Variants in POU2F3 observed in about 807,000 individuals in gnomAD.
POU2F3 encodes the protein POU domain, class 2, transcription factor 3.
In POU2F3, 23 loss-of-function variants were observed where a neutral mutation model predicts 59.2. That is an observed-to-expected ratio of 0.39 (90% confidence interval 0.28 to 0.55). The LOEUF (loss-of-function observed/expected upper bound fraction) is 0.55, where lower values mean the gene tolerates loss of function less well. POU2F3 is among the 20% of genes least tolerant of loss of function. POU2F3 has a pLI of 0.66. For synonymous variants in POU2F3, 190 were observed against 214.6 expected (o/e 0.89, Z 1.00); for missense variants, 473 against 544.5 (o/e 0.87, Z 1.31).
chr11:120,270,519 C>T (rs945275946), intron 3 of POU2F3, among the ~76,000 whole-genome samples: 73 of 152,054 alleles, frequency 4.8e-4, no homozygotes, highest in Non-Finnish European at 2.6e-4. Flanking sequence ...AGAAGAGTGA[C>T]GTAGAAAGGG....
intron 3 of POU2F3, among the ~76,000 whole-genome samples, chr11:120,275,445 G>T (rs1940278128): frequency 7.2e-5 from 11 of 152,104 alleles, no homozygotes; most frequent in Admixed American, 7.2e-4. Flanking sequence ...AAAACTGGGA[G>T]GTAGAATTGG....
intron 2 of POU2F3, among the ~76,000 whole-genome samples, chr11:120,257,504 C>T (rs531885385): frequency 7.2e-5 from 11 of 152,166 alleles, no homozygotes; most frequent in South Asian, 2.1e-4. Flanking sequence ...TGGGGTCCCG[C>T]GGCTCTAGCT....
At chr11:120,273,638 G>T (rs1591399681) in intron 3 of POU2F3, among the ~76,000 whole-genome samples, 1 of 152,274 alleles carries the variant, frequency 6.6e-6, no homozygotes, top group African/African-American at 2.4e-5. Flanking sequence ...AGGGAAGGGA[G>T]GATGAGTGAT....
upstream of POU2F3, chr11:120,240,076 C>T (rs1186252303): frequency 6.3e-6 from 7 of 1,112,826 alleles, no homozygotes; most frequent in Non-Finnish European, 6.6e-6. Context: ...TGGGGCCAGG[C>T]GCGGGGCTCC....
chr11:120,250,539 A>C (rs533567502), intron 2 of POU2F3: 1 of 152,342 alleles, frequency 6.6e-6, no homozygotes, highest in East Asian at 1.9e-4. Flanking sequence ...TGGTGATGAG[A>C]AAGAACCTTA....
At chr11:120,272,395 C>G (rs993819119) in intron 3 of POU2F3, among the ~76,000 whole-genome samples, 2 of 152,180 alleles carry the variant, frequency 1.3e-5, no homozygotes, top group African/African-American at 4.8e-5. Flanking sequence ...GGGGAGAGGC[C>G]TGGGAGCCAG....
At position 120,304,926 on chromosome 11, in the gene POU2F3, T is replaced by A. The variant is rs1226302397; in HGVS notation, c.445-104T>A. The A allele has an allele frequency of 3.3e-6, 3 of 900,844 alleles. No individual in the cohort carries two copies. The African/African-American group carries it at 6.6e-5, about 20-fold the overall frequency. 55.8% of individuals were successfully genotyped at this position (900,844 alleles called of 1,614,324 possible). A position where few individuals can be genotyped will look rare whatever the true frequency, so the allele number is the denominator to read the frequency against. ...GTGTATCCAGGGATCTGTCATCCTC[T>A]AAGTGGGCCTATTAGTAAAAAAAAA... is the stretch of plus-strand genomic sequence containing the variant. On this transcript the variant is annotated intron_variant, in intron 6 of 12. Coordinates refer to ENST00000543440, the MANE Select transcript of POU2F3 (RefSeq NM_014352.4).
intron 2 of POU2F3, among the ~76,000 whole-genome samples, chr11:120,266,650 A>G (rs1939837487): frequency 6.6e-6 from 1 of 152,132 alleles, no homozygotes; most frequent in Non-Finnish European, 1.5e-5. Context: ...GGACTTCGAA[A>G]GACTGGGTCC....
In POU2F3 at chr11:120,305,037, G is replaced by A. The variant is rs1411337165; in HGVS notation, c.452G>A (p.Gly151Glu). ...TGGCGTGTTTCCTATCAGGCATTTGGGCACCCTGGGCTGCCAGGATCCTCT... is the reference window on the plus strand; with the variant it reads ...TGGCGTGTTTCCTATCAGGCATTTGAGCACCCTGGGCTGCCAGGATCCTCT... Reference protein sequence around the residue: ...TGPGLASQAFGHPGLPGSSLE... With the variant: ...TGPGLASQAFEHPGLPGSSLE... Residue 151 changes from glycine to glutamate, a missense_variant, in exon 7 of 13, where the codon GGG becomes GAG. Coordinates refer to ENST00000543440, the MANE Select transcript of POU2F3 (RefSeq NM_014352.4). 3 of 1,603,638 alleles carry A rather than the reference G, an allele frequency of 1.9e-6. No individual in the cohort carries two copies. The highest frequency in any genetic ancestry group is 1.4e-5 in the African/African-American group (1 of 73,934).
chr11:120,281,995 G>T (rs1353012547), intron 3 of POU2F3, among the ~76,000 whole-genome samples: 2 of 152,212 alleles, frequency 1.3e-5, no homozygotes, highest in African/African-American at 2.4e-5. Context: ...CAATTTAGCA[G>T]CAATGTTGGT....
chr11:120,255,421 T>A (rs1939296047), intron 2 of POU2F3, among the ~76,000 whole-genome samples: 1 of 151,742 alleles, frequency 6.6e-6, no homozygotes. Context: ...GACGATGGGG[T>A]CTCGGCGCCC....
intron 2 of POU2F3, among the ~76,000 whole-genome samples, chr11:120,259,992 G>T (rs1296537902): frequency 1.3e-5 from 2 of 152,218 alleles, no homozygotes; most frequent in Non-Finnish European, 2.9e-5. Context: ...CGCTTCCAAG[G>T]TCCCAGTAGC....
chr11:120,306,094 T>C (rs951307272), intron 8 of POU2F3, among the ~76,000 whole-genome samples: 1 of 152,144 alleles, frequency 6.6e-6, no homozygotes, highest in African/African-American at 2.4e-5. Context: ...AAAGTCTGGA[T>C]CTGCAGAGCA....
intron 10 of POU2F3, among the ~76,000 whole-genome samples, chr11:120,313,029 C>T (rs1210632974): frequency 2.0e-5 from 3 of 152,044 alleles, no homozygotes; most frequent in Non-Finnish European, 4.4e-5. Flanking sequence ...GGCTGCAAAC[C>T]AGGGAGTGAG....
chr11:120,250,582 T>C (rs1398802030), intron 2 of POU2F3, among the ~76,000 whole-genome samples: 1 of 152,214 alleles, frequency 6.6e-6, no homozygotes. Context: ...ACCTAGAGAA[T>C]GACAGAACTA....
At chr11:120,309,657 C>T in intron 10 of POU2F3, 71 bp downstream of exon 10, 1 of 1,538,482 alleles carries the variant, frequency 6.5e-7, no homozygotes. Context: ...AAGGTGGTGG[C>T]TGCAGGGAAG....
chr11:120,269,620 G>A (rs988215450), intron 3 of POU2F3, among the ~76,000 whole-genome samples: 12 of 152,174 alleles, frequency 7.9e-5, no homozygotes, highest in Non-Finnish European at 1.5e-5. Context: ...CAAAGGATGA[G>A]GTGCCTGGGT....
intron 3 of POU2F3, among the ~76,000 whole-genome samples, chr11:120,275,845 G>T (rs895510364): frequency 3.3e-5 from 5 of 152,196 alleles, no homozygotes; most frequent in Non-Finnish European, 5.9e-5. Flanking sequence ...GTGTGCCCTA[G>T]TGTAGCATTT....
intron 2 of POU2F3, 58 bp from the exon 3 acceptor site, chr11:120,269,152 C>A (rs532920216): frequency 4.3e-6 from 6 of 1,399,994 alleles, no homozygotes; most frequent in East Asian, 2.3e-5. Flanking sequence ...TTTTTTCTAA[C>A]CTTCAGCTCT....
Sources: allele counts gnomAD v4.1 joint callset (sites outside exome capture counted in the v4.1 genomes callset), GRCh38; gene constraint gnomAD v4.1.1; transcripts MANE v1.5; gene names NCBI Gene and HGNC (gene_info 2026-07-23, HGNC 2026-07-21).